The following EMB variants were observed in gnomAD, a reference collection of about 807,000 sequenced individuals.
The protein encoded by EMB is embigin homolog.
Under a neutral mutation model 41.4 loss-of-function variants are expected in EMB, and 31 were observed. The observed-to-expected ratio is 0.75, with a 90% CI of 0.56 to 1.01. The LOEUF (loss-of-function observed/expected upper bound fraction) is 1.01, where lower values mean the gene tolerates loss of function less well. EMB is among the 50% of genes least tolerant of loss of function. The probability of loss-of-function intolerance (pLI) is 0.00; values close to 1 mark genes in which losing one functional copy is unlikely to be tolerated. For missense variants in EMB, 379 were observed against 388.3 expected (o/e 0.98, Z 0.20); for synonymous variants, 137 against 140.4 (o/e 0.98, Z 0.17).
chr5:50,403,158 A>C lies in EMB; in HGVS notation c.877+20T>G, dbSNP rs539684584. 1 of 1,561,312 alleles carries C rather than the reference A, an allele frequency of 6.4e-7. No homozygotes were observed. Among genetic ancestry groups the C allele is most frequent in the East Asian group, 2.3e-5 (1 of 44,392 alleles). Reference sequence around the variant, plus strand: ...TAATACTTTCTAAAAAAAACAAAAAACAAAAAAAAGAAATCCCACCTGAGT... The same window carrying C: ...TAATACTTTCTAAAAAAAACAAAAACCAAAAAAAAGAAATCCCACCTGAGT... On this transcript the variant is annotated intron_variant, in intron 6 of 8. Coordinates refer to ENST00000303221, the MANE Select transcript of EMB (RefSeq NM_198449.3).
chr5:50,410,960 G>A lies in EMB; in HGVS notation c.389C>T (p.Thr130Ile). The A allele has an allele frequency of 6.3e-7, 1 of 1,598,324 alleles. No individual in the cohort carries two copies. Among genetic ancestry groups the A allele is most frequent in the Non-Finnish European group, 8.5e-7 (1 of 1,172,794 alleles). The change falls in exon 4 of 9, where the codon ACC becomes ATC. Residue 130 changes from threonine to isoleucine, a missense_variant. By Grantham distance (89) the Thr-to-Ile change is moderately conservative. Coordinates refer to ENST00000303221, the MANE Select transcript of EMB (RefSeq NM_198449.3). ...TCCCATTTGTTTGCTATTAATGATG[G>A]TGAACCTAAAGATAATTCAAGTTAT... ...GSTLYTQYRF[T>I]IINSKQMGSY... is the part of the protein sequence containing the mutation.
rs536571791 is a variant in EMB at position 50,405,671 on chromosome 5, T to A, written c.600+54A>T. 12 of 1,529,532 alleles carry A rather than the reference T, an allele frequency of 7.8e-6. No individual in the cohort carries two copies. The East Asian group carries it at 2.1e-4, about 27-fold the overall frequency. 94.7% of individuals were successfully genotyped at this position (1,529,532 alleles called of 1,614,324 possible). ...AGTCTGTTACAATCTTGTTATTTTTTAAATAAATGTTTTCTGTTGTTGTTG... is the reference window on the plus strand; with the variant it reads ...AGTCTGTTACAATCTTGTTATTTTTAAAATAAATGTTTTCTGTTGTTGTTG... On this transcript the variant is annotated intron_variant, in intron 5 of 8. Transcript: ENST00000303221.
At chr5:50,411,531 G>T in intron 2 of EMB, 148 bp from the exon 3 acceptor site, 2 of 582,004 alleles carry the variant, frequency 3.4e-6, no homozygotes, top group South Asian at 3.3e-5. Context: ...CAACATAGTT[G>T]GTTCCCTTTC....
chr5:50,408,347 C>T (rs1221393996), intron 4 of EMB, among the ~76,000 whole-genome samples: 15 of 152,062 alleles, frequency 9.9e-5, no homozygotes, highest in South Asian at 2.1e-4. Context: ...TTCTCTTTCT[C>T]GGGTGGCAAG....
chr5:50,432,892 C>T (rs2111861107), intron 1 of EMB, among the ~76,000 whole-genome samples: 1 of 151,994 alleles, frequency 6.6e-6, no homozygotes, highest in South Asian at 2.1e-4. Flanking sequence ...GCCTGGCCAG[C>T]ATGGTGAAAC....
chr5:50,403,712 G>C (rs961103099), intron 5 of EMB, among the ~76,000 whole-genome samples: 9 of 151,860 alleles, frequency 5.9e-5, no homozygotes, highest in African/African-American at 2.2e-4. Context: ...GAAGCAAATA[G>C]GTCATCATGA....
chr5:50,440,957 C>T (rs565314720), intron 1 of EMB, 83 bp downstream of exon 1: 6 of 1,028,740 alleles, frequency 5.8e-6, no homozygotes, highest in Non-Finnish European at 7.6e-6. Flanking sequence ...TTGCCCGGCG[C>T]GCCGGCGATG....
At chr5:50,416,777 C>G (rs187931477) in intron 2 of EMB, among the ~76,000 whole-genome samples, 3 of 152,204 alleles carry the variant, frequency 2.0e-5, no homozygotes, top group Non-Finnish European at 4.4e-5. Context: ...GAAGAGGCAA[C>G]GAAAGATCCT....
chr5:50,406,350 A>G (rs553458463), intron 4 of EMB, among the ~76,000 whole-genome samples: 8 of 151,858 alleles, frequency 5.3e-5, no homozygotes, highest in African/African-American at 1.9e-4. Context: ...AGGAAAATTA[A>G]CAGAAAGAGA....
Position 50,411,264 on chromosome 5 carries a change from C to A in EMB, c.316G>T (p.Asp106Tyr). 1 of 1,613,066 alleles carries A rather than the reference C, an allele frequency of 6.2e-7. No homozygotes were observed. Among genetic ancestry groups the A allele is most frequent in the South Asian group, 1.1e-5 (1 of 90,982 alleles). ...TAATTATTCTCAAGTTGTTCACCAT[C>A]TTTTTTCCAAGTCACATTTACTGCA... The part of the protein sequence containing the change: ...LNAVNVTWKK[D>Y]GEQLENNYLV... Residue 106 changes from aspartate to tyrosine, a missense_variant, in exon 3 of 9, where the codon GAT becomes TAT. Coordinates refer to ENST00000303221, the MANE Select transcript of EMB (RefSeq NM_198449.3).
rs547921839 is a variant in EMB, at chr5:50,397,894, G to A, written c.*1379C>T. On this transcript the variant is annotated 3_prime_UTR_variant, in exon 9 of 9. Coordinates refer to ENST00000303221, the MANE Select transcript of EMB (RefSeq NM_198449.3). ...AGCAGCTTCCAAGTCACTACCTTAT[G>A]TGTATTATTCATACTAGTAATATTG... 2.8e-4 allele frequency: 43 copies of A among 152,012 alleles called. No individual in the cohort carries two copies. The highest frequency in any genetic ancestry group is 9.9e-4 in the African/African-American group (41 of 41,486). 9.4% of individuals were successfully genotyped at this position (152,012 alleles called of 1,614,324 possible).
At chr5:50,418,813 C>G (rs1745469447) in intron 2 of EMB, among the ~76,000 whole-genome samples, 1 of 152,120 alleles carries the variant, frequency 6.6e-6, no homozygotes, top group African/African-American at 2.4e-5. Flanking sequence ...ATTCTGCTAG[C>G]CAAAATCCTT....
At chr5:50,400,971 T>C (rs1745152135) in intron 7 of EMB, among the ~76,000 whole-genome samples, 1 of 151,972 alleles carries the variant, frequency 6.6e-6, no homozygotes, top group Non-Finnish European at 1.5e-5. Flanking sequence ...AATAGAGGAA[T>C]CCGAGCAAGG....
intron 2 of EMB, among the ~76,000 whole-genome samples, chr5:50,426,078 C>T (rs902012073): frequency 6.6e-6 from 1 of 152,150 alleles, no homozygotes; most frequent in Admixed American, 6.6e-5. Context: ...AAACTAATGT[C>T]ATTCTTCTAA....
Position 50,403,407 on chromosome 5 carries a change from A to G in EMB, c.648T>C (p.Tyr216=). 1.2e-6 allele frequency: 2 copies of G among 1,612,496 alleles called. No individual in the cohort carries two copies. The highest frequency in any genetic ancestry group is 1.7e-6 in the Non-Finnish European group (2 of 1,179,026). The change falls in exon 6 of 9, where the codon TAT becomes TAC. Residue 216 remains tyrosine, a synonymous_variant. Coordinates refer to ENST00000303221, the MANE Select transcript of EMB (RefSeq NM_198449.3). The stretch of plus-strand genomic sequence containing the variant: ...TTATCTTCAGCTTTGTTTCGTTAGC[A>G]TATGTTCCATTGATCACATATTTAT... The part of the protein sequence containing the change: ...QMNKYVINGT[Y]ANETKLKITQ...
intron 4 of EMB, among the ~76,000 whole-genome samples, chr5:50,407,863 T>C (rs920348375): frequency 1.3e-5 from 2 of 151,916 alleles, no homozygotes; most frequent in Non-Finnish European, 2.9e-5. Context: ...GAAGATGGGG[T>C]TTGGATATAC....
chr5:50,419,870 T>C (rs1255744381), intron 2 of EMB, among the ~76,000 whole-genome samples: 1 of 152,192 alleles, frequency 6.6e-6, no homozygotes, highest in Non-Finnish European at 1.5e-5. Context: ...CAAGATCATG[T>C]CCTTTGCAGG....
chr5:50,420,508 G>T (rs1014464344), intron 2 of EMB, among the ~76,000 whole-genome samples: 1 of 152,148 alleles, frequency 6.6e-6, no homozygotes, highest in African/African-American at 2.4e-5. Context: ...TGCAGAAAGG[G>T]CTCCTCTAAC....
At chr5:50,402,047 T>C (rs1052170099) in intron 7 of EMB, among the ~76,000 whole-genome samples, 2 of 151,896 alleles carry the variant, frequency 1.3e-5, no homozygotes, top group African/African-American at 2.4e-5. Flanking sequence ...GTGAGTACTA[T>C]TATTAAATCC....
Sources: allele counts gnomAD v4.1 joint callset (sites outside exome capture counted in the v4.1 genomes callset), GRCh38; gene constraint gnomAD v4.1.1; transcripts MANE v1.5; gene names NCBI Gene and HGNC (gene_info 2026-07-23, HGNC 2026-07-21).